Variants in ARSF observed in about 807,000 individuals in gnomAD.
The protein encoded by ARSF is arylsulfatase F.
ARSF carries 33 observed loss-of-function variants against 35.4 expected under a neutral mutation model. The observed-to-expected ratio is 0.93, with a 90% CI of 0.71 to 1.25. The LOEUF is 1.25. Among genes scored for constraint, ARSF ranks in the 50% most tolerant of loss-of-function variants. The pLI is 0.00. For missense variants in ARSF, 501 were observed against 480.2 expected (o/e 1.04, Z -0.40); for synonymous variants, 222 against 193.1 (o/e 1.15, Z -1.24).
intron 5 of ARSF, among the ~76,000 whole-genome samples, chrX:3,082,827 C>T (rs1436850536): frequency 9.0e-6 from 1 of 111,168 alleles, no homozygotes; most frequent in Non-Finnish European, 1.9e-5. Flanking sequence ...TCTATTCATC[C>T]ACCCACAACA....
rs764574066 is a variant in ARSF, at chrX:3,072,014, C to G, written c.12-12C>G. On this transcript the variant is annotated splice_polypyrimidine_tract_variant and intron_variant, in intron 2 of 10. Coordinates refer to ENST00000381127, the MANE Select transcript of ARSF (RefSeq NM_001201539.2). ...AAGCCTGATACCAATAAAATCCCTGCTTGCTTTCCAGGAGACCCTTGGTCT... is the reference window on the plus strand; with the variant it reads ...AAGCCTGATACCAATAAAATCCCTGGTTGCTTTCCAGGAGACCCTTGGTCT... The G allele has an allele frequency of 2.5e-6, 3 of 1,202,001 alleles. No homozygotes were observed. Among genetic ancestry groups the G allele is most frequent in the Admixed American group, 2.2e-5 (1 of 44,926 alleles).
intron 1 of ARSF, among the ~76,000 whole-genome samples, chrX:3,067,528 T>C (rs2090073971): frequency 9.0e-6 from 1 of 111,228 alleles, no homozygotes; most frequent in South Asian, 3.8e-4. Context: ...ACAATGCTCT[T>C]GGGCCAGCAT....
intron 1 of ARSF, among the ~76,000 whole-genome samples, chrX:3,066,493 A>G (rs1310182223): frequency 8.9e-6 from 1 of 112,120 alleles, no homozygotes; most frequent in Non-Finnish European, 1.9e-5. Flanking sequence ...AGGGACATCA[A>G]ATGGGATTGC....
chrX:3,067,972 A>G, intron 1 of ARSF, 101 bp from the exon 2 acceptor site: 1 of 554,064 alleles, frequency 1.8e-6, no homozygotes, highest in Non-Finnish European at 2.8e-6. Context: ...TCACAAGTCT[A>G]GTGTGAATTT....
intron 1 of ARSF, among the ~76,000 whole-genome samples, chrX:3,058,833 C>A (rs1352220777): frequency 9.0e-6 from 1 of 111,520 alleles, no homozygotes; most frequent in African/African-American, 3.3e-5. Flanking sequence ...TGCACTCCAA[C>A]TTGGGTGACA....
intron 1 of ARSF, among the ~76,000 whole-genome samples, chrX:3,062,675 C>G (rs182736148): frequency 8.9e-6 from 1 of 111,918 alleles, no homozygotes; most frequent in Admixed American, 9.5e-5. Flanking sequence ...ACTATAAACA[C>G]CTCTATGCAA....
intron 7 of ARSF, among the ~76,000 whole-genome samples, chrX:3,091,886 G>A (rs1229526425): frequency 9.1e-6 from 1 of 110,312 alleles, no homozygotes; most frequent in Admixed American, 9.8e-5. Flanking sequence ...ATAAATAGAC[G>A]ATAGATGATC....
rs746519081 is a variant in ARSF at position 3,047,051 on chromosome X, C to T, written c.-29+5388C>T. Among the ~76,000 whole-genome samples the T allele has an allele frequency of 4.5e-5, 5 of 111,293 alleles. No individual in the cohort carries two copies. In the East Asian group the frequency reaches 8.5e-4, roughly 19 times the overall value. On this transcript the variant is annotated intron_variant, in intron 1 of 10. Transcript: ENST00000381127. ...ATTCAAAGCTGTCCTAAGCCACGTG[C>T]GGCCCGCGGGCCGTGGATTGGACAA...
chrX:3,061,903 G>A (rs1215244382), intron 1 of ARSF, among the ~76,000 whole-genome samples: 2 of 111,061 alleles, frequency 1.8e-5, no homozygotes, highest in Non-Finnish European at 3.8e-5. Context: ...CGAGACAGAA[G>A]GTTAACAAGG....
At chrX:3,085,451 G>T (rs191167731) in intron 6 of ARSF, among the ~76,000 whole-genome samples, 2 of 108,463 alleles carry the variant, frequency 1.8e-5, no homozygotes, top group Admixed American at 2.0e-4. Context: ...AAAGCTACTT[G>T]GGGAAATTAA....
intron 10 of ARSF, 61 bp from the exon 11 acceptor site, chrX:3,112,113 C>G: frequency 9.6e-7 from 1 of 1,039,712 alleles, no homozygotes; most frequent in Non-Finnish European, 1.3e-6. Context: ...AACACTAGGA[C>G]TTCTTCCTTT....
Position 3,041,681 on chromosome X carries a change from T to C in ARSF, c.-29+18T>C, listed in dbSNP as rs1240831018. ...ATAAACTGGTGAGTTTGTGTTGATATCTCTTGCTAGAGTTCTGAAGTAAAA... is the reference window on the plus strand; with the variant it reads ...ATAAACTGGTGAGTTTGTGTTGATACCTCTTGCTAGAGTTCTGAAGTAAAA... On this transcript the variant is annotated intron_variant, in intron 1 of 10. Coordinates refer to ENST00000381127, the MANE Select transcript of ARSF (RefSeq NM_001201539.2). 8.9e-6 allele frequency: 1 copy of C among 112,254 alleles called. No individual in the cohort carries two copies. The highest frequency in any genetic ancestry group is 2.8e-4 in the East Asian group (1 of 3,605). 9.3% of individuals were successfully genotyped at this position (112,254 alleles called of 1,213,427 possible). A position where few individuals can be genotyped will look rare whatever the true frequency, so the allele number is the denominator to read the frequency against.
Position 3,088,824 on chromosome X carries a change from G to C in ARSF, c.831-672G>C, listed in dbSNP as rs2090267340. On this transcript the variant is annotated intron_variant, in intron 6 of 10. Transcript: ENST00000381127. ...GATCCGCCATCTTCAGCCTCCCAAA[G>C]TGGTGTGATTATAGGCGTGAGCCAC... 2.7e-5 allele frequency among the ~76,000 whole-genome samples: 3 copies of C among 111,624 alleles called. No individual in the cohort carries two copies. In the South Asian group the frequency reaches 1.1e-3, roughly 43 times the overall value.
chrX:3,100,642 G>A (rs1202623251), intron 7 of ARSF, among the ~76,000 whole-genome samples: 1 of 111,214 alleles, frequency 9.0e-6, no homozygotes, highest in African/African-American at 3.3e-5. Context: ...CTGTCACCCA[G>A]GTTGGAGTGC....
At chrX:3,082,327 T>G (rs73635397) in intron 5 of ARSF, among the ~76,000 whole-genome samples, 2 of 111,479 alleles carry the variant, frequency 1.8e-5, no homozygotes, top group African/African-American at 6.5e-5. Flanking sequence ...CGGTCATCTC[T>G]CTCTCTTTCT....
intron 1 of ARSF, 53 bp from the exon 2 acceptor site, chrX:3,068,020 C>CTTT: frequency 8.6e-5 from 65 of 756,528 alleles, no homozygotes; most frequent in Admixed American, 3.2e-4. Context: ...ATGAATGATA[C>CTTT]TTTTTTTTTT....
At chrX:3,052,876 C>G (rs999175237) in intron 1 of ARSF, among the ~76,000 whole-genome samples, 3 of 111,390 alleles carry the variant, frequency 2.7e-5, no homozygotes, top group Non-Finnish European at 5.6e-5. Context: ...TTTAAAGAAC[C>G]TGTCTCTCTG....
chrX:3,048,077 A>G (rs1055442077), intron 1 of ARSF, among the ~76,000 whole-genome samples: 1 of 111,741 alleles, frequency 8.9e-6, no homozygotes, highest in African/African-American at 3.3e-5. Context: ...AACTGCCACC[A>G]GAATTCAATT....
At chrX:3,093,628 C>G (rs1382259416) in intron 7 of ARSF, among the ~76,000 whole-genome samples, 1 of 112,053 alleles carries the variant, frequency 8.9e-6, no homozygotes, top group Non-Finnish European at 1.9e-5. Flanking sequence ...CATGGTGCAT[C>G]TGTACCACAT....
Sources: allele counts gnomAD v4.1 joint callset (sites outside exome capture counted in the v4.1 genomes callset), GRCh38; gene constraint gnomAD v4.1.1; transcripts MANE v1.5; gene names NCBI Gene and HGNC (gene_info 2026-07-23, HGNC 2026-07-21).